Variants in FRMD3 observed in about 807,000 individuals in gnomAD.
The protein encoded by FRMD3 is FERM domain containing 3.
Under a neutral mutation model 70.2 loss-of-function variants are expected in FRMD3, and 33 were observed. The ratio of observed to expected loss-of-function variants is 0.47; its 90% CI spans 0.36 to 0.63. The LOEUF (loss-of-function observed/expected upper bound fraction) is 0.63, where lower values mean the gene tolerates loss of function less well. FRMD3 is among the 20% of genes least tolerant of loss of function. The pLI, the probability that FRMD3 is intolerant of heterozygous loss-of-function variation, is 0.00. For synonymous variants in FRMD3, 279 were observed against 255.9 expected (o/e 1.09, Z -0.86); for missense variants, 632 against 711.4 (o/e 0.89, Z 1.27).
At chr9:83,420,520 CT>C (rs1249962331) in intron 1 of FRMD3, among the ~76,000 whole-genome samples, 1 of 152,070 alleles carries the variant, frequency 6.6e-6, no homozygotes, top group Non-Finnish European at 1.5e-5. Flanking sequence ...TAAAAGATAC[CT>C]TTGGATCTAG....
intron 1 of FRMD3, among the ~76,000 whole-genome samples, chr9:83,502,404 G>C (rs551599003): frequency 2.6e-5 from 4 of 152,298 alleles, no homozygotes; most frequent in African/African-American, 9.6e-5. Flanking sequence ...TCTGAGACTT[G>C]ATATCTGCCT....
chr9:83,499,924 A>G (rs1198986208), intron 1 of FRMD3, among the ~76,000 whole-genome samples: 2 of 152,248 alleles, frequency 1.3e-5, no homozygotes, highest in Non-Finnish European at 2.9e-5. Flanking sequence ...AGCAATAAAA[A>G]GAAATGAGTT....
At chr9:83,302,037 G>T (rs1587699666) in intron 10 of FRMD3, among the ~76,000 whole-genome samples, 1 of 152,170 alleles carries the variant, frequency 6.6e-6, no homozygotes, top group South Asian at 2.1e-4. Flanking sequence ...TTAATGAAAC[G>T]TTAACAGGCA....
rs555696058 is a variant in FRMD3, at chr9:83,379,517, C to T, written c.253-6562G>A. The stretch of plus-strand genomic sequence containing the variant: ...CTGAAATCTTCTTTTCCTCAACTCT[C>T]ATTTAGAATAAAATTTCCAAAGGCT... On this transcript the variant is annotated intron_variant, in intron 2 of 13. Transcript: ENST00000304195. Among the ~76,000 whole-genome samples, 16 of 152,278 alleles carry T rather than the reference C, an allele frequency of 1.1e-4. 1 individual carries two copies. In the South Asian group the frequency reaches 1.5e-3, roughly 14 times the overall value.
At chr9:83,337,437 G>A (rs1244782087) in intron 5 of FRMD3, among the ~76,000 whole-genome samples, 1 of 152,224 alleles carries the variant, frequency 6.6e-6, no homozygotes, top group Non-Finnish European at 1.5e-5. Flanking sequence ...AGAAGGCCAA[G>A]CAGAGATGGG....
At chr9:83,353,268 C>T (rs1242551208) in intron 3 of FRMD3, among the ~76,000 whole-genome samples, 2 of 142,440 alleles carry the variant, frequency 1.4e-5, no homozygotes, top group Non-Finnish European at 3.1e-5. Context: ...CCTGACGAGG[C>T]CACTGCAGTG....
Position 83,309,617 on chromosome 9 carries a change from G to A in FRMD3, c.845C>T (p.Ala282Val). The change falls in exon 10 of 14, where the codon GCC (alanine) becomes GTC (valine). Residue 282 changes from alanine to valine, a missense_variant. Ala to Val is a moderately conservative substitution (Grantham distance 64). Coordinates refer to ENST00000304195, the MANE Select transcript of FRMD3 (RefSeq NM_174938.6). Reference protein sequence around the residue: ...YVIGTQKEKKAMLAFHTSTPA... With the variant: ...YVIGTQKEKKVMLAFHTSTPA... ...TGTTGAAGTATGGAATGCCAACATG[G>A]CTTTTTTCTAATTAAAAAATAACAA... The A allele has an allele frequency of 6.4e-7, 1 of 1,571,854 alleles. No individual in the cohort carries two copies. The highest frequency in any genetic ancestry group is 1.2e-5 in the South Asian group (1 of 82,400).
Position 83,537,544 on chromosome 9 carries a change from G to A in FRMD3, c.147+541C>T, listed in dbSNP as rs1250807774. On this transcript the variant is annotated intron_variant, in intron 1 of 13. Transcript: ENST00000304195. This position sits in a 1 kb window ranked among gnomAD's most constrained non-coding sequence, Gnocchi z 4.1. ...GGGAAACTTCGCCACCGCCCCACGC[G>A]GAGAACTAAAGACCACCGGCGGAGG... Among the ~76,000 whole-genome samples, 1 of 152,164 alleles carries A rather than the reference G, an allele frequency of 6.6e-6. No homozygotes were observed. Among genetic ancestry groups the A allele is most frequent in the African/African-American group, 2.4e-5 (1 of 41,444 alleles).
At chr9:83,573,512 G>A in the FRMD3 span, among the ~76,000 whole-genome samples, 2 of 152,158 alleles carry the variant, frequency 1.3e-5, no homozygotes, top group East Asian at 1.9e-4. Flanking sequence ...GGACTGGATC[G>A]CAAAAACCTA....
At chr9:83,467,673 G>C (rs1231936975) in intron 1 of FRMD3, 1 of 1,535,150 alleles carries the variant, frequency 6.5e-7, no homozygotes, top group Non-Finnish European at 8.7e-7. Context: ...AAAAGGATTT[G>C]CAGTGCCGTG....
intron 6 of FRMD3, among the ~76,000 whole-genome samples, chr9:83,333,713 C>G (rs1182172443): frequency 6.6e-6 from 1 of 152,184 alleles, no homozygotes; most frequent in African/African-American, 2.4e-5. Context: ...ATGGTGATCA[C>G]CGTGAAACAC....
chr9:83,253,483 A>G (rs1296300604), intron 13 of FRMD3, among the ~76,000 whole-genome samples: 1 of 152,226 alleles, frequency 6.6e-6, no homozygotes, highest in African/African-American at 2.4e-5. Context: ...TCAAAAGAAG[A>G]CATTAATGCA....
chr9:83,307,652 G>A (rs184889325), intron 10 of FRMD3, among the ~76,000 whole-genome samples: 275 of 152,236 alleles, frequency 1.8e-3, no homozygotes, highest in African/African-American at 6.2e-3. Flanking sequence ...TTGGGGGGAG[G>A]AGGAAATGGG....
chr9:83,495,451 T>C (rs1412429189), intron 1 of FRMD3, among the ~76,000 whole-genome samples: 1 of 152,166 alleles, frequency 6.6e-6, no homozygotes, highest in Non-Finnish European at 1.5e-5. Context: ...AATTTTGTTA[T>C]AATTGGAGGT....
intron 13 of FRMD3, among the ~76,000 whole-genome samples, chr9:83,273,744 G>A (rs1222793063): frequency 6.6e-6 from 1 of 151,384 alleles, no homozygotes; most frequent in Non-Finnish European, 1.5e-5. Context: ...ATCATATTCT[G>A]CTCCAATAGG....
chr9:83,341,217 C>A (rs550696796), intron 5 of FRMD3, among the ~76,000 whole-genome samples: 1 of 152,260 alleles, frequency 6.6e-6, no homozygotes, highest in African/African-American at 2.4e-5. Flanking sequence ...CCACAGACAG[C>A]ACTGCATTTG....
At chr9:83,550,551 A>G in the FRMD3 span, among the ~76,000 whole-genome samples, 1 of 152,084 alleles carries the variant, frequency 6.6e-6, no homozygotes, top group African/African-American at 2.4e-5. Context: ...AGCCATTTTA[A>G]TGATGTTGAT....
chr9:83,346,459 C>T (rs1020014433), intron 4 of FRMD3, among the ~76,000 whole-genome samples: 1 of 152,054 alleles, frequency 6.6e-6, no homozygotes, highest in African/African-American at 2.4e-5. Flanking sequence ...CTACACATTG[C>T]ATGCTTTGAT....
intron 13 of FRMD3, among the ~76,000 whole-genome samples, chr9:83,251,887 C>T (rs1438385450): frequency 6.6e-6 from 1 of 152,068 alleles, no homozygotes; most frequent in African/African-American, 2.4e-5. Context: ...CTGAACCTAT[C>T]CCTGATTCTG....
Sources: allele counts gnomAD v4.1 joint callset (sites outside exome capture counted in the v4.1 genomes callset), GRCh38; gene constraint gnomAD v4.1.1; non-coding constraint Gnocchi (gnomAD v3.1); transcripts MANE v1.5; gene names NCBI Gene and HGNC (gene_info 2026-07-23, HGNC 2026-07-21).